Variants in MCTP2 observed in about 807,000 individuals in gnomAD.
MCTP2 encodes the protein multiple C2 and transmembrane domain-containing protein 2.
Under a neutral mutation model 111.6 loss-of-function variants are expected in MCTP2, and 132 were observed. The observed-to-expected ratio is 1.18, with a 90% CI of 1.03 to 1.37. The LOEUF is 1.37. Among genes scored for constraint, MCTP2 ranks in the 40% most tolerant of loss-of-function variants. The pLI, the probability that MCTP2 is intolerant of heterozygous loss-of-function variation, is 0.00. For synonymous variants in MCTP2, 395 were observed against 387.7 expected, an observed-to-expected ratio of 1.02 and a Z score of -0.22; for missense variants, 1,183 against 1,067.9, an observed-to-expected ratio of 1.11 and a Z score of -1.50.
intron 19 of MCTP2, among the ~76,000 whole-genome samples, chr15:94,451,089 A>G (rs751885724): frequency 1.4e-4 from 21 of 152,240 alleles, no homozygotes; most frequent in Non-Finnish European, 2.8e-4. Flanking sequence ...AAAAAGAACA[A>G]TTGTGTTACA....
At chr15:94,415,957 T>G (rs778799905) in intron 17 of MCTP2, among the ~76,000 whole-genome samples, 1 of 152,138 alleles carries the variant, frequency 6.6e-6, no homozygotes, top group Non-Finnish European at 1.5e-5. Context: ...AATGGCAGTT[T>G]AGGAAATATC....
intron 17 of MCTP2, among the ~76,000 whole-genome samples, chr15:94,406,109 A>G (rs551303724): frequency 6.6e-6 from 1 of 152,336 alleles, no homozygotes; most frequent in African/African-American, 2.4e-5. Context: ...GTACATGGCC[A>G]TTCCCACACA....
intron 20 of MCTP2, among the ~76,000 whole-genome samples, chr15:94,465,516 C>G (rs1038145932): frequency 6.6e-6 from 1 of 152,070 alleles, no homozygotes; most frequent in Non-Finnish European, 1.5e-5. Flanking sequence ...TGTAACATTT[C>G]GGAACTCCGA....
chr15:94,358,393 C>T lies in MCTP2; in HGVS notation c.1171-89C>T, dbSNP rs1305918753. 2.4e-6 allele frequency: 3 copies of T among 1,236,630 alleles called. No homozygotes were observed. The African/African-American group carries it at 4.5e-5, about 19-fold the overall frequency. The allele number at this position is 1,236,630 out of a possible 1,614,324, so 76.6% of individuals were successfully genotyped here. A position where few individuals can be genotyped will look rare whatever the true frequency, so the allele number is the denominator to read the frequency against. On this transcript the variant is annotated intron_variant, in intron 9 of 22. Coordinates refer to ENST00000357742, the MANE Select transcript of MCTP2 (RefSeq NM_001385001.1). ...GGGTGAGGTCCATCATCTTGACCCT[C>T]TGCAGTTTAATGATGAAATTAATGT...
At chr15:94,280,868 GTTGT>G (rs1194117230) in intron 1 of MCTP2, among the ~76,000 whole-genome samples, 4 of 152,096 alleles carry the variant, frequency 2.6e-5, no homozygotes, top group African/African-American at 7.2e-5. Context: ...TTAAGAGCAG[GTTGT>G]TTAATTTCCA....
At chr15:94,473,232 G>A (rs1159968558) in intron 21 of MCTP2, among the ~76,000 whole-genome samples, 1 of 152,128 alleles carries the variant, frequency 6.6e-6, no homozygotes, top group Non-Finnish European at 1.5e-5. Context: ...TATTTTGACA[G>A]GTGAGATGCT....
chr15:94,393,778 G>A (rs1361291331), intron 14 of MCTP2, among the ~76,000 whole-genome samples: 1 of 152,016 alleles, frequency 6.6e-6, no homozygotes, highest in Non-Finnish European at 1.5e-5. Flanking sequence ...AGCCAGTCAC[G>A]GTGGCTCACA....
At chr15:94,394,358 GAGCACTTA>G (rs1038665223) in intron 14 of MCTP2, among the ~76,000 whole-genome samples, 1 of 152,098 alleles carries the variant, frequency 6.6e-6, no homozygotes, top group African/African-American at 2.4e-5. Flanking sequence ...GGCACACAGT[GAGCACTTA>G]TAGTGTAAGC....
intron 4 of MCTP2, among the ~76,000 whole-genome samples, chr15:94,332,232 G>A (rs1348909206): frequency 6.6e-6 from 1 of 152,100 alleles, no homozygotes; most frequent in Non-Finnish European, 1.5e-5. Flanking sequence ...TACTGTAAGA[G>A]GCCAGCAGCA....
At chr15:94,477,743 G>A (rs762619157) in intron 22 of MCTP2, among the ~76,000 whole-genome samples, 41 of 152,256 alleles carry the variant, frequency 2.7e-4, no homozygotes, top group Middle Eastern at 3.4e-3. Flanking sequence ...CCTTCATTCC[G>A]AGTTCTAGAA....
At chr15:94,333,477 A>G (rs987488303) in intron 4 of MCTP2, among the ~76,000 whole-genome samples, 4 of 151,994 alleles carry the variant, frequency 2.6e-5, no homozygotes, top group African/African-American at 4.8e-5. Context: ...GTTTGTAATT[A>G]GAGCTGCATT....
chr15:94,252,346 A>G lies in MCTP2; in HGVS notation c.-66+20682A>G, dbSNP rs534696751. Among the ~76,000 whole-genome samples, 8 of 152,262 alleles carry G rather than the reference A, an allele frequency of 5.3e-5. No individual in the cohort carries two copies. The East Asian group carries it at 9.6e-4, about 18-fold the overall frequency. ...GTTTAAAGTGTGTCTCATAATTTCC[A>G]TGTACATTTCCCTAAGAATTAGTGA... On this transcript the variant is annotated intron_variant, in intron 1 of 22. Coordinates refer to ENST00000357742, the MANE Select transcript of MCTP2 (RefSeq NM_001385001.1).
chr15:94,254,442 C>T (rs1416194273), intron 1 of MCTP2, among the ~76,000 whole-genome samples: 1 of 152,140 alleles, frequency 6.6e-6, no homozygotes, highest in Non-Finnish European at 1.5e-5. Flanking sequence ...TTGATTTCTT[C>T]TTACATAGGA....
At chr15:94,238,614 C>T (rs1324278642) in intron 1 of MCTP2, among the ~76,000 whole-genome samples, 1 of 152,190 alleles carries the variant, frequency 6.6e-6, no homozygotes, top group African/African-American at 2.4e-5. Context: ...AGATCCTCAT[C>T]CTCTCAGAGC....
chr15:94,235,501 T>C (rs768705208), intron 1 of MCTP2, among the ~76,000 whole-genome samples: 1 of 152,188 alleles, frequency 6.6e-6, no homozygotes, highest in Non-Finnish European at 1.5e-5. Flanking sequence ...AGATAGGGCA[T>C]GGAATCCCTT....
intron 12 of MCTP2, among the ~76,000 whole-genome samples, chr15:94,381,539 A>G (rs1475053003): frequency 6.6e-6 from 1 of 152,222 alleles, no homozygotes; most frequent in African/African-American, 2.4e-5. Context: ...CAACAGGACC[A>G]GGCAGCATCT....
intron 1 of MCTP2, among the ~76,000 whole-genome samples, chr15:94,294,257 G>A (rs1477678944): frequency 6.6e-6 from 1 of 152,310 alleles, no homozygotes; most frequent in East Asian, 1.9e-4. Context: ...AGACCCCTCT[G>A]TGTCCCGATT....
intron 1 of MCTP2, among the ~76,000 whole-genome samples, chr15:94,296,265 CTTGCGTATTGCTAA>C (rs2075273096): frequency 6.6e-6 from 1 of 152,188 alleles, no homozygotes; most frequent in African/African-American, 2.4e-5. Flanking sequence ...ATTGAATGTA[CTTGCGTATTGCTAA>C]CGTGAAATTC....
At chr15:94,399,810 A>G in intron 15 of MCTP2, 111 bp from the exon 16 acceptor site, 1 of 864,390 alleles carries the variant, frequency 1.2e-6, no homozygotes, top group Admixed American at 1.9e-5. Context: ...CTCCCTGCTA[A>G]GGTCAGAGTC....
Sources: allele counts gnomAD v4.1 joint callset (sites outside exome capture counted in the v4.1 genomes callset), GRCh38; gene constraint gnomAD v4.1.1; transcripts MANE v1.5; gene names NCBI Gene and HGNC (gene_info 2026-07-23, HGNC 2026-07-21).